The following MAP3K19 variants were observed in gnomAD, a reference collection of about 807,000 sequenced individuals.
MAP3K19 encodes SPS1/STE20-related protein kinase YSK4.
A neutral mutation model predicts 114.4 loss-of-function variants in MAP3K19; 91 were observed. The observed-to-expected ratio is 0.80, with a 90% CI of 0.67 to 0.95. The LOEUF is 0.95. MAP3K19 is among the 40% of genes least tolerant of loss of function. MAP3K19 has a pLI of 0.00. For synonymous variants in MAP3K19, 518 were observed against 530.5 expected, an observed-to-expected ratio of 0.98 and a Z score of 0.32; for missense variants, 1,471 against 1,573.2, an observed-to-expected ratio of 0.94 and a Z score of 1.10.
intron 1 of MAP3K19, among the ~76,000 whole-genome samples, chr2:135,043,023 C>T (rs1236969884): frequency 6.6e-6 from 1 of 152,084 alleles, no homozygotes; most frequent in East Asian, 1.9e-4. Flanking sequence ...GCACAGGTTG[C>T]AGTGAGCCGA....
chr2:135,030,718 T>G (rs931758547), intron 2 of MAP3K19, among the ~76,000 whole-genome samples: 1 of 152,178 alleles, frequency 6.6e-6, no homozygotes, highest in Non-Finnish European at 1.5e-5. Context: ...GTATGTTAAA[T>G]CCACACAAAA....
intron 12 of MAP3K19, among the ~76,000 whole-genome samples, chr2:134,969,321 C>T (rs1352626847): frequency 1.3e-5 from 2 of 152,022 alleles, no homozygotes; most frequent in Non-Finnish European, 2.9e-5. Flanking sequence ...AGCTTCAGCT[C>T]GGCATCAGAG....
At chr2:135,029,301 G>A (rs1010486509) in intron 3 of MAP3K19, among the ~76,000 whole-genome samples, 7 of 152,274 alleles carry the variant, frequency 4.6e-5, no homozygotes, top group South Asian at 2.1e-4. Flanking sequence ...GCGTGAACCC[G>A]GGAGGTGGAG....
At position 134,986,623 on chromosome 2, in the gene MAP3K19, T is replaced by A. The variant is rs770809289; in HGVS notation, c.2249A>T (p.His750Leu). 3.7e-6 allele frequency: 6 copies of A among 1,614,114 alleles called. No individual in the cohort carries two copies. In the African/African-American group the frequency reaches 5.3e-5, roughly 14 times the overall value. Residue 750 changes from histidine to leucine, a missense_variant, in exon 10 of 13, where the codon CAT (histidine) becomes CTT (leucine). Transcript: ENST00000392915. ...ATTTTCAATGTCATGTAGGTTGCTA[T>A]GTACAGCCTTGGAACTCTTTTCTTT... ...ISKEKSSKAV[H>L]SNLHDIENGD...
chr2:134,973,933 C>T (rs939709267), intron 12 of MAP3K19, among the ~76,000 whole-genome samples: 1 of 152,256 alleles, frequency 6.6e-6, no homozygotes, highest in African/African-American at 2.4e-5. Flanking sequence ...TGAAGGATAA[C>T]TTTGCTGAGT....
chr2:135,019,268 C>T (rs1214736734), intron 5 of MAP3K19, among the ~76,000 whole-genome samples: 1 of 151,960 alleles, frequency 6.6e-6, no homozygotes, highest in Non-Finnish European at 1.5e-5. Flanking sequence ...TTTAAAACTT[C>T]TTTTTAATAA....
In MAP3K19 at chr2:134,964,789, TC is replaced by T; in HGVS notation, c.*60del. The T allele has an allele frequency of 7.5e-7, 1 of 1,332,116 alleles. No homozygotes were observed. The highest frequency in any genetic ancestry group is 1.1e-6 in the Non-Finnish European group (1 of 931,578). The allele number at this position is 1,332,116 out of a possible 1,614,324, so 82.5% of individuals were successfully genotyped here. A position where few individuals can be genotyped will look rare whatever the true frequency, so the allele number is the denominator to read the frequency against. On this transcript the variant is annotated 3_prime_UTR_variant, in exon 13 of 13. Transcript: ENST00000392915. ...GAAACAAAGATCCCTTAGCCATCAT[TC>T]CCCACAATTAAGCAAGGGAGCATCT...
At chr2:134,996,419 T>C (rs1685999910) in intron 8 of MAP3K19, among the ~76,000 whole-genome samples, 1 of 152,080 alleles carries the variant, frequency 6.6e-6, no homozygotes, top group African/African-American at 2.4e-5. Flanking sequence ...TGCTTGGAGG[T>C]TGAATTATTC....
At chr2:135,039,151 T>C (rs898683557) in intron 2 of MAP3K19, among the ~76,000 whole-genome samples, 1 of 149,416 alleles carries the variant, frequency 6.7e-6, no homozygotes, top group African/African-American at 2.5e-5. Flanking sequence ...TTAGCATATG[T>C]GCTATATTTT....
intron 8 of MAP3K19, among the ~76,000 whole-genome samples, chr2:134,997,095 A>G (rs144744083): frequency 6.6e-5 from 10 of 152,278 alleles, no homozygotes; most frequent in African/African-American, 2.2e-4. Context: ...AAAAAACGCT[A>G]TCAAGATTTG....
At chr2:134,992,333 G>T (rs2105261761) in intron 8 of MAP3K19, among the ~76,000 whole-genome samples, 1 of 152,300 alleles carries the variant, frequency 6.6e-6, no homozygotes, top group South Asian at 2.1e-4. Context: ...GTGTGAGGAA[G>T]ACTCACCTAG....
intron 6 of MAP3K19, among the ~76,000 whole-genome samples, chr2:135,001,558 T>C (rs1018180166): frequency 6.6e-5 from 10 of 152,250 alleles, no homozygotes; most frequent in South Asian, 2.1e-4. Context: ...TGGATGTCTT[T>C]CATAATATTT....
chr2:135,019,375 C>T (rs1259169994), intron 5 of MAP3K19, among the ~76,000 whole-genome samples: 1 of 152,186 alleles, frequency 6.6e-6, no homozygotes, highest in Non-Finnish European at 1.5e-5. Context: ...CTTCTCTAAA[C>T]CTATCAGTTA....
rs368154442 is a variant in MAP3K19 at position 134,994,603 on chromosome 2, G to A, written c.575-3023C>T. ...ATGAACCCCATTCAGTGCCAAGAAT[G>A]TTGCCTCCAGTCTCATAACCTACAG... On this transcript the variant is annotated intron_variant, in intron 8 of 12. Coordinates refer to ENST00000392915, the MANE Select transcript of MAP3K19 (RefSeq NM_025052.5). Among the ~76,000 whole-genome samples, 35 of 152,290 alleles carry A rather than the reference G, an allele frequency of 2.3e-4. No individual in the cohort carries two copies. The East Asian group carries it at 5.2e-3, about 23-fold the overall frequency.
At chr2:134,980,518 T>C (rs1182618347) in intron 12 of MAP3K19, among the ~76,000 whole-genome samples, 2 of 152,226 alleles carry the variant, frequency 1.3e-5, no homozygotes, top group Non-Finnish European at 2.9e-5. Flanking sequence ...GATGTCTCAT[T>C]GGTAAATAAG....
rs1685253056 is a variant in MAP3K19 at position 134,987,709 on chromosome 2, C to T, written c.1163G>A (p.Cys388Tyr). 8 of 1,612,398 alleles carry T rather than the reference C, an allele frequency of 5.0e-6. No individual in the cohort carries two copies. Among genetic ancestry groups the T allele is most frequent in the Non-Finnish European group, 6.8e-6 (8 of 1,180,030 alleles). ...KNYEQDPEIV[C>Y]TIPSKFQETQ... ...TTCTTGGAACTTGCTTGGAATGGTA[C>T]ATACTATTTCTGGATCTTGTTCATA... is the stretch of plus-strand genomic sequence containing the variant. Residue 388 changes from cysteine (C) to tyrosine (Y), a missense_variant, in exon 10 of 13, where the codon TGT becomes TAT. Cys to Tyr is a radical substitution (Grantham distance 194). Transcript: ENST00000392915.
intron 1 of MAP3K19, among the ~76,000 whole-genome samples, chr2:135,041,065 G>A (rs79468479): frequency 0.01 from 1,519 of 151,402 alleles, 23 homozygotes; most frequent in African/African-American, 0.035. Flanking sequence ...TTTTTAGCTT[G>A]TTTATTAACC....
intron 11 of MAP3K19, chr2:134,983,182 C>G (rs766344760): frequency 3.8e-6 from 2 of 532,950 alleles, no homozygotes; most frequent in Non-Finnish European, 7.7e-6. Context: ...GTACCCACCT[C>G]TCTTCATCGC....
chr2:134,987,360 G>C lies in MAP3K19; in HGVS notation c.1512C>G (p.Ser504Arg). ...GAATGGTTCCCTTTCTTGTTTGGAG[G>C]CTTGGTTTGGCTATCACTGGTTCCT... ...SPKEPVIAKP[S>R]LQTRKGTIHN... The change falls in exon 10 of 13, where the codon AGC (serine) becomes AGG (arginine). Residue 504 changes from serine to arginine, a missense_variant. Physicochemically the swap from Ser to Arg is moderately radical, Grantham distance 110 (BLOSUM62 -1). Coordinates refer to ENST00000392915, the MANE Select transcript of MAP3K19 (RefSeq NM_025052.5). The C allele has an allele frequency of 1.2e-6, 2 of 1,614,078 alleles. No individual in the cohort carries two copies. The highest frequency in any genetic ancestry group is 1.7e-6 in the Non-Finnish European group (2 of 1,180,006).
Sources: allele counts gnomAD v4.1 joint callset (sites outside exome capture counted in the v4.1 genomes callset), GRCh38; gene constraint gnomAD v4.1.1; transcripts MANE v1.5; gene names NCBI Gene and HGNC (gene_info 2026-07-23, HGNC 2026-07-21).